Variants in SNX9 observed in about 807,000 individuals in gnomAD.
The protein encoded by SNX9 is sorting nexin 9.
In SNX9, 44 loss-of-function variants were observed where a neutral mutation model predicts 89.4. The observed-to-expected ratio is 0.49, with a 90% CI of 0.39 to 0.63. The LOEUF (loss-of-function observed/expected upper bound fraction) is 0.63. Ranked by LOEUF, SNX9 falls within the 30% of genes least tolerant of loss-of-function variation. The pLI is 0.00. For synonymous variants in SNX9, 236 were observed against 247.8 expected (o/e 0.95, Z 0.45); for missense variants, 578 against 736.1 (o/e 0.79, Z 2.49).
intron 17 of SNX9, among the ~76,000 whole-genome samples, chr6:157,942,063 T>G (rs1371991946): frequency 6.6e-6 from 1 of 152,266 alleles, no homozygotes; most frequent in Non-Finnish European, 1.5e-5. Context: ...AGGTATGGTA[T>G]AGTGACATTG....
intron 4 of SNX9, among the ~76,000 whole-genome samples, chr6:157,890,428 A>G (rs1056464572): frequency 2.6e-5 from 4 of 152,186 alleles, no homozygotes; most frequent in Non-Finnish European, 2.9e-5. Flanking sequence ...ATATTTCTCT[A>G]TTTGCATTAT....
intron 10 of SNX9, chr6:157,924,476 A>G (rs1287776236): frequency 6.6e-6 from 1 of 152,304 alleles, no homozygotes; most frequent in African/African-American, 2.4e-5. Flanking sequence ...CAAAGGAGTC[A>G]TTATACTTCC....
intron 1 of SNX9, among the ~76,000 whole-genome samples, chr6:157,858,728 G>A (rs2115127445): frequency 6.6e-6 from 1 of 152,298 alleles, no homozygotes; most frequent in East Asian, 1.9e-4. Flanking sequence ...TGGCTGGGGA[G>A]GCCTCACAAT....
intron 4 of SNX9, chr6:157,885,025 C>T (rs1782705170): frequency 6.6e-6 from 1 of 152,184 alleles, no homozygotes; most frequent in African/African-American, 2.4e-5. Flanking sequence ...CTATTCTGTA[C>T]TCAAAGCTAC....
intron 9 of SNX9, among the ~76,000 whole-genome samples, chr6:157,915,639 A>AT (rs1562616996): frequency 1.3e-3 from 132 of 99,734 alleles, no homozygotes; most frequent in African/African-American, 4.8e-3. Context: ...AAAAAAAAAA[A>AT]AATATATATA....
intron 1 of SNX9, among the ~76,000 whole-genome samples, chr6:157,827,206 ATATAT>A (rs1781384391): frequency 1.6e-4 from 4 of 25,098 alleles, no homozygotes; most frequent in South Asian, 5.0e-3. Context: ...ATATATAAAC[ATATAT>A]TATAGTTTAT....
At chr6:157,893,986 G>A (rs942843386) in intron 4 of SNX9, among the ~76,000 whole-genome samples, 11 of 152,008 alleles carry the variant, frequency 7.2e-5, no homozygotes, top group Non-Finnish European at 1.2e-4. Flanking sequence ...TGATGAAGGC[G>A]GCATTTCAAA....
intron 4 of SNX9, among the ~76,000 whole-genome samples, chr6:157,878,737 A>AG (rs1782567540): frequency 2.6e-5 from 4 of 152,288 alleles, no homozygotes; most frequent in Admixed American, 2.0e-4. Context: ...GACAGCACAA[A>AG]GTCTAGTGGC....
At chr6:157,867,670 G>A in intron 2 of SNX9, 37 bp downstream of exon 2, 2 of 1,499,980 alleles carry the variant, frequency 1.3e-6, no homozygotes, top group South Asian at 2.4e-5. Flanking sequence ...ATTGTCCCAT[G>A]TGGACTTATT....
At chr6:157,901,465 G>T (rs563910219) in intron 5 of SNX9, among the ~76,000 whole-genome samples, 1 of 152,154 alleles carries the variant, frequency 6.6e-6, no homozygotes, top group Non-Finnish European at 1.5e-5. Context: ...GGAGTTGTGT[G>T]GTTTCAGGTC....
chr6:157,937,669 A>C (rs1783954055), intron 15 of SNX9, 146 bp downstream of exon 15: 1 of 626,740 alleles, frequency 1.6e-6, no homozygotes, highest in Non-Finnish European at 2.7e-6. Context: ...CTGAATTTTG[A>C]CATTGGTTTG....
chr6:157,915,081 G>A (rs2115185135), intron 9 of SNX9, among the ~76,000 whole-genome samples: 1 of 152,112 alleles, frequency 6.6e-6, no homozygotes, highest in East Asian at 1.9e-4. Flanking sequence ...AAACATGTTT[G>A]TAAGAGAAAA....
chr6:157,925,950 A>G (rs1562620556), intron 10 of SNX9, among the ~76,000 whole-genome samples: 1 of 150,884 alleles, frequency 6.6e-6, no homozygotes, highest in Non-Finnish European at 1.5e-5. Flanking sequence ...AAGGAGAGAA[A>G]TGCTGAGTCC....
intron 1 of SNX9, among the ~76,000 whole-genome samples, chr6:157,852,842 G>A (rs1781940865): frequency 6.6e-6 from 1 of 152,118 alleles, no homozygotes; most frequent in South Asian, 2.1e-4. Context: ...CAAAATGCTG[G>A]GGTTACAGGC....
intron 1 of SNX9, among the ~76,000 whole-genome samples, chr6:157,826,065 C>G (rs1228551357): frequency 6.6e-6 from 1 of 152,084 alleles, no homozygotes; most frequent in African/African-American, 2.4e-5. Context: ...ATACAATTTT[C>G]TTGTTTGTTC....
intron 2 of SNX9, among the ~76,000 whole-genome samples, chr6:157,869,910 G>A (rs182242888): frequency 7.1e-4 from 108 of 151,638 alleles, no homozygotes; most frequent in Non-Finnish European, 1.1e-3. Flanking sequence ...CACACACCTC[G>A]CACCCTCATA....
chr6:157,897,082 C>G (rs1782994064), intron 5 of SNX9, 84 bp downstream of exon 5: 4 of 1,323,474 alleles, frequency 3.0e-6, no homozygotes, highest in Non-Finnish European at 4.1e-6. Context: ...TTTTGCTGTT[C>G]CCACACTCAG....
chr6:157,888,059 T>TGGCCTTTGCTCC (rs1782774366), intron 4 of SNX9, among the ~76,000 whole-genome samples: 2 of 152,062 alleles, frequency 1.3e-5, no homozygotes, highest in Non-Finnish European at 2.9e-5. Context: ...CCGGGAGACA[T>TGGCCTTTGCTCC]TGTGTTCACA....
intron 11 of SNX9, among the ~76,000 whole-genome samples, chr6:157,927,904 A>G (rs541708940): frequency 6.6e-6 from 1 of 150,668 alleles, no homozygotes; most frequent in Non-Finnish European, 1.5e-5. Context: ...ATTATTGCGT[A>G]TGTGTTACCA....
Sources: gnomAD v4.1 joint callset for allele counts (sites outside exome capture counted in the v4.1 genomes callset) on GRCh38, gnomAD v4.1.1 for gene constraint, MANE v1.5 for transcripts, NCBI Gene and HGNC (gene_info 2026-07-23, HGNC 2026-07-21) for gene names.